Variants in MGAM2 observed in about 807,000 individuals in gnomAD.
MGAM2 encodes probable maltase-glucoamylase 2.
In MGAM2, 98 loss-of-function variants were observed where a neutral mutation model predicts 96.1. That is an observed-to-expected ratio of 1.02 (90% confidence interval 0.87 to 1.21). The LOEUF is 1.21. Among genes scored for constraint, MGAM2 ranks in the 50% most tolerant of loss-of-function variants. MGAM2 has a pLI of 0.00. For synonymous variants in MGAM2, 749 were observed against 414.8 expected (o/e 1.81, Z -9.79); for missense variants, 2,055 against 1,182.4 (o/e 1.74, Z -10.82).
At chr7:142,198,792 G>A (rs2129100895) in intron 44 of MGAM2, 53 bp downstream of exon 44, 1 of 668,118 alleles carries the variant, frequency 1.5e-6, no homozygotes, top group Non-Finnish European at 2.7e-6. Context: ...TAATGAGGAA[G>A]CCTTACAGGA....
chr7:142,156,434 ATAAAGTTGGTT>A (rs1308159312), intron 17 of MGAM2, among the ~76,000 whole-genome samples: 1 of 152,228 alleles, frequency 6.6e-6, no homozygotes, highest in East Asian at 1.9e-4. Context: ...TACCAAAGCA[ATAAAGTTGGTT>A]TAATGGAAAA....
intron 4 of MGAM2, 93 bp downstream of exon 4, chr7:142,131,164 G>C (rs1374084974): frequency 1.5e-6 from 1 of 656,822 alleles, no homozygotes; most frequent in Non-Finnish European, 2.8e-6. Flanking sequence ...AGTCAGGCAG[G>C]CGTGGTGGCT....
At chr7:142,170,334 G>T (rs56365887) in intron 27 of MGAM2, 105 bp downstream of exon 27, 184,190 of 523,928 alleles carry the variant, frequency 0.35, 35,315 homozygotes, top group East Asian at 0.65. Context: ...TATGGAAATA[G>T]GTGTGCATTT....
intron 3 of MGAM2, 28 bp from the exon 4 acceptor site, chr7:142,130,920 T>C: frequency 1.4e-6 from 1 of 701,144 alleles, no homozygotes; most frequent in Admixed American, 2.0e-5. Flanking sequence ...TCAGTTTATA[T>C]ACTGCTAACT....
intron 19 of MGAM2, 120 bp downstream of exon 19, chr7:142,158,452 G>A (rs1359644142): frequency 3.4e-6 from 2 of 586,678 alleles, no homozygotes; most frequent in African/African-American, 3.7e-5. Context: ...ATAAATGAGA[G>A]AGCTCATGAA....
At chr7:142,168,341 C>T (rs988468859) in intron 26 of MGAM2, among the ~76,000 whole-genome samples, 1 of 151,272 alleles carries the variant, frequency 6.6e-6, no homozygotes, top group African/African-American at 2.4e-5. Flanking sequence ...GCGATCTTGG[C>T]TCACTGGAAC....
At chr7:142,217,508 G>A (rs1797801292) in intron 46 of MGAM2, among the ~76,000 whole-genome samples, 1 of 152,104 alleles carries the variant, frequency 6.6e-6, no homozygotes, top group Non-Finnish European at 1.5e-5. Context: ...CTTTCATAAT[G>A]CTGGTACAAT....
intron 12 of MGAM2, 116 bp downstream of exon 12, chr7:142,141,235 G>T: frequency 1.7e-6 from 1 of 586,800 alleles, no homozygotes; most frequent in Middle Eastern, 3.2e-4. Flanking sequence ...GGCTTTAGAG[G>T]TTTCTTTTAT....
At chr7:142,158,185 A>C (rs10282156) in intron 18 of MGAM2, 63 bp from the exon 19 acceptor site, 1 of 700,528 alleles carries the variant, frequency 1.4e-6, no homozygotes, top group African/African-American at 1.7e-5. Context: ...TTGTTGTTAC[A>C]TAATGTGCCA....
At position 142,217,140 on chromosome 7, in the gene MGAM2, C is replaced by T. The variant is rs75343321; in HGVS notation, c.5188-1221C>T. ...TCTCTTCACATCCATGAAAAATATCCACTATGATTTTCATTTGGGCCTTCA... is the reference window on the plus strand; with the variant it reads ...TCTCTTCACATCCATGAAAAATATCTACTATGATTTTCATTTGGGCCTTCA... On this transcript the variant is annotated intron_variant, in intron 46 of 47. Coordinates refer to ENST00000477922, the MANE Select transcript of MGAM2 (RefSeq NM_001293626.2). 5.5e-3 allele frequency among the ~76,000 whole-genome samples: 837 copies of T among 152,248 alleles called. 20 individuals carry two copies. Among genetic ancestry groups the T allele is most frequent in the Admixed American group, 0.045 (684 of 15,282 alleles).
At position 142,131,982 on chromosome 7, in the gene MGAM2, C is replaced by T. The variant is rs1172845558; in HGVS notation, c.472C>T (p.Leu158=). ...RYEVSHENIN[L]VDGIADASNL... is the part of the protein sequence containing the mutation. The stretch of plus-strand genomic sequence containing the variant: ...TGAAGTTTCCCATGAAAATATTAAC[C>T]TGGTTGATGGGATTGCTGATGCCTC... Residue 158 remains leucine (L), a synonymous_variant, in exon 6 of 48, where the codon CTG becomes TTG. Transcript: ENST00000477922. 3 of 702,730 alleles carry T rather than the reference C, an allele frequency of 4.3e-6. No homozygotes were observed. Among genetic ancestry groups the T allele is most frequent in the African/African-American group, 1.7e-5 (1 of 57,204 alleles). The allele number at this position is 702,730 out of a possible 1,614,324, so 43.5% of individuals were successfully genotyped here.
intron 10 of MGAM2, among the ~76,000 whole-genome samples, chr7:142,139,586 G>A (rs867538571): frequency 3.3e-5 from 5 of 151,378 alleles, no homozygotes; most frequent in Non-Finnish European, 7.4e-5. Flanking sequence ...ACTTGAACCT[G>A]GAGGCAGAGG....
In MGAM2 at chr7:142,196,765, A is replaced by G. The variant is rs766737573; in HGVS notation, c.4581A>G (p.Gln1527=). 6 of 788,188 alleles carry G rather than the reference A, an allele frequency of 7.6e-6. No homozygotes were observed. The highest frequency in any genetic ancestry group is 6.7e-5 in the South Asian group (5 of 74,726). The allele number at this position is 788,188 out of a possible 1,614,324, so 48.8% of individuals were successfully genotyped here. ...ATGAGATGTGTGTTCGCTGGATGCAACTGGGGGCATTTTATCCATTTTCCA... is the reference window on the plus strand; with the variant it reads ...ATGAGATGTGTGTTCGCTGGATGCAGCTGGGGGCATTTTATCCATTTTCCA... The part of the protein sequence containing the change: ...AEYEMCVRWM[Q]LGAFYPFSRN... The change falls in exon 40 of 48, where the codon CAA becomes CAG. Residue 1527 remains glutamine (Q), a synonymous_variant. Coordinates refer to ENST00000477922, the MANE Select transcript of MGAM2 (RefSeq NM_001293626.2).
intron 45 of MGAM2, among the ~76,000 whole-genome samples, chr7:142,207,129 C>G (rs540506051): frequency 1.3e-5 from 2 of 152,252 alleles, no homozygotes; most frequent in Non-Finnish European, 2.9e-5. Context: ...AAGAACAGAA[C>G]ATGAAGTGAA....
At chr7:142,133,902 G>T in intron 6 of MGAM2, 79 bp from the exon 7 acceptor site, 1 of 613,944 alleles carries the variant, frequency 1.6e-6, no homozygotes, top group South Asian at 1.9e-5. Flanking sequence ...CTAAGTGTAT[G>T]TGGAAAGGAG....
intron 46 of MGAM2, among the ~76,000 whole-genome samples, chr7:142,209,738 T>A (rs1243357814): frequency 6.6e-6 from 1 of 152,330 alleles, no homozygotes; most frequent in South Asian, 2.1e-4. Context: ...CTGTTTAGAC[T>A]CCAGTTAACT....
rs1275428848 is a variant in MGAM2 at position 142,170,030 on chromosome 7, A to G, written c.3028-45A>G. On this transcript the variant is annotated intron_variant, in intron 26 of 47. Transcript: ENST00000477922. ...TATATGGGGTGGCATGAGGGGTTTT[A>G]GGTCTGAGACCCTAACAGAAAGTTT... 6.0e-6 allele frequency: 4 copies of G among 671,764 alleles called. No homozygotes were observed. In the Admixed American group the frequency reaches 9.0e-5, roughly 15 times the overall value. 41.6% of individuals were successfully genotyped at this position (671,764 alleles called of 1,614,324 possible).
In MGAM2 at chr7:142,164,837, C is replaced by T. The variant is rs1371328369; in HGVS notation, c.2485-19C>T. The T allele has an allele frequency of 4.5e-6, 3 of 672,416 alleles. No homozygotes were observed. Among genetic ancestry groups the T allele is most frequent in the Non-Finnish European group, 8.0e-6 (3 of 372,768 alleles). 41.7% of individuals were successfully genotyped at this position (672,416 alleles called of 1,614,324 possible). On this transcript the variant is annotated intron_variant, in intron 23 of 47. Coordinates refer to ENST00000477922, the MANE Select transcript of MGAM2 (RefSeq NM_001293626.2). ...CTGAAGTACCTGGTTTCCAATCTGA[C>T]TTTTTTTTCCCCTCCCAGAACCATC...
At chr7:142,145,034 C>T (rs1171858521) in intron 14 of MGAM2, 89 bp downstream of exon 14, 2 of 657,358 alleles carry the variant, frequency 3.0e-6, no homozygotes, top group African/African-American at 3.6e-5. Flanking sequence ...AGCAATTTCA[C>T]TTCCTAGTCC....
Sources: allele counts gnomAD v4.1 joint callset (sites outside exome capture counted in the v4.1 genomes callset), GRCh38; gene constraint gnomAD v4.1.1; transcripts MANE v1.5; gene names NCBI Gene and HGNC (gene_info 2026-07-23, HGNC 2026-07-21).